DEFB132: variants seen among roughly 807,000 people sequenced by gnomAD.
DEFB132 encodes the protein beta-defensin 132.
DEFB132 carries 5 observed loss-of-function variants against 2.5 expected under a neutral mutation model. The ratio of observed to expected loss-of-function variants is 2.00; its 90% CI spans 1.04 to 4.20. The LOEUF is 4.20. DEFB132 is among the 30% of genes most tolerant of loss of function. The pLI is 0.00. For missense variants in DEFB132, 112 were observed against 110.0 expected (o/e 1.02, Z -0.08); for synonymous variants, 53 against 46.2 (o/e 1.15, Z -0.60).
At position 260,865 on chromosome 20, in the gene DEFB132, A is replaced by G. The variant is rs1434524322; in HGVS notation, c.*1559A>G. On this transcript the variant is annotated 3_prime_UTR_variant, in exon 2 of 2. Transcript: ENST00000382376. ...ACAATAGAGGCAGAACTCATGTAAG[A>G]ATAAATTGATTAGGTGGTATTAAAT... 6.6e-6 allele frequency: 1 copy of G among 152,254 alleles called. No individual in the cohort carries two copies. Among genetic ancestry groups the G allele is most frequent in the Non-Finnish European group, 1.5e-5 (1 of 68,038 alleles). The allele number at this position is 152,254 out of a possible 1,614,324, so 9.4% of individuals were successfully genotyped here. A position where few individuals can be genotyped will look rare whatever the true frequency, so the allele number is the denominator to read the frequency against.
In DEFB132 at chr20:259,080, G is replaced by GT. The variant is rs747014067; in HGVS notation, c.63dup (p.Ala22CysfsTer9). The GT allele has an allele frequency of 4.3e-6, 7 of 1,614,032 alleles. No homozygotes were observed. The African/African-American group carries it at 9.3e-5, about 22-fold the overall frequency. On this transcript the variant is annotated frameshift_variant, in exon 2 of 2. Transcript: ENST00000382376. LOFTEE classifies it low-confidence loss of function (END_TRUNC). ...TGTCTTGTCCTCTCCCATACAGCCA[G>GT]TGCAGGTGGGTCAAAATGTGTGAGT...
rs1443439301 is a variant in DEFB132, at chr20:259,706, A to G, written c.*400A>G. The G allele has an allele frequency of 3.7e-6, 1 of 271,128 alleles. No homozygotes were observed. The highest frequency in any genetic ancestry group is 7.2e-6 in the Non-Finnish European group (1 of 139,698). 16.8% of individuals were successfully genotyped at this position (271,128 alleles called of 1,614,324 possible). On this transcript the variant is annotated 3_prime_UTR_variant, in exon 2 of 2. Coordinates refer to ENST00000382376, the MANE Select transcript of DEFB132 (RefSeq NM_207469.3). Reference sequence around the variant, plus strand: ...GTGTCAAAGGAGAGAGGGATAGAGGAGGATTGAATAGAAGGAGACTAAGAC... The same window carrying G: ...GTGTCAAAGGAGAGAGGGATAGAGGGGGATTGAATAGAAGGAGACTAAGAC...
At chr20:258,650 T>C (rs141388254) in intron 1 of DEFB132, among the ~76,000 whole-genome samples, 1 of 151,994 alleles carries the variant, frequency 6.6e-6, no homozygotes, top group East Asian at 1.9e-4. Flanking sequence ...GGTTGACTCA[T>C]ATTTACAGTT....
At chr20:258,945 A>C in intron 1 of DEFB132, 132 bp from the exon 2 acceptor site, 1 of 846,392 alleles carries the variant, frequency 1.2e-6, no homozygotes, top group South Asian at 1.8e-5. Flanking sequence ...GGCTTTCCCA[A>C]GTCTCATTTG....
chr20:258,685 GT>G (rs112219872), intron 1 of DEFB132, among the ~76,000 whole-genome samples: 1 of 122,008 alleles, frequency 8.2e-6, no homozygotes, highest in African/African-American at 2.7e-5. Context: ...AACAAGTAAG[GT>G]AGAAACACCT....
chr20:259,575 T>C lies in DEFB132; in HGVS notation c.*269T>C, dbSNP rs1456196831. ...CAAATGAAAAATGTCAAGACAGAAT[T>C]GGACATGCAAAAGATTGACTGGGAG... is the stretch of plus-strand genomic sequence containing the variant. On this transcript the variant is annotated 3_prime_UTR_variant, in exon 2 of 2. Transcript: ENST00000382376. 1 of 467,278 alleles carries C rather than the reference T, an allele frequency of 2.1e-6. No individual in the cohort carries two copies. The highest frequency in any genetic ancestry group is 3.9e-6 in the Non-Finnish European group (1 of 254,278). 28.9% of individuals were successfully genotyped at this position (467,278 alleles called of 1,614,324 possible).
At position 259,132 on chromosome 20, in the gene DEFB132, T is replaced by C. The variant is rs2011611461; in HGVS notation, c.114T>C (p.Cys38=). 6.2e-7 allele frequency: 1 copy of C among 1,614,156 alleles called. No individual in the cohort carries two copies. Among genetic ancestry groups the C allele is most frequent in the Non-Finnish European group, 8.5e-7 (1 of 1,180,028 alleles). ...VSNTPGYCRT[C]CHWGETALFM... Reference sequence around the variant, plus strand: ...ACACCCCAGGATACTGCAGGACATGTTGCCACTGGGGGGAGACAGCATTGT... The same window carrying C: ...ACACCCCAGGATACTGCAGGACATGCTGCCACTGGGGGGAGACAGCATTGT... Residue 38 remains cysteine (C), a synonymous_variant, in exon 2 of 2, where the codon TGT becomes TGC. Transcript: ENST00000382376.
intron 1 of DEFB132, among the ~76,000 whole-genome samples, chr20:258,740 C>T (rs2011606402): frequency 2.0e-5 from 1 of 50,794 alleles, no homozygotes; most frequent in Non-Finnish European, 6.2e-5. Context: ...CCCATTTCTC[C>T]CTTTTGAGTA....
chr20:260,397 A>G lies in DEFB132; in HGVS notation c.*1091A>G, dbSNP rs1280086688. ...GAAATATATACTAATGCCATCTATA[A>G]ATACAAACAAATAGAATGTTTATAG... On this transcript the variant is annotated 3_prime_UTR_variant, in exon 2 of 2. Transcript: ENST00000382376. 1 of 152,234 alleles carries G rather than the reference A, an allele frequency of 6.6e-6. No individual in the cohort carries two copies. The highest frequency in any genetic ancestry group is 6.5e-5 in the Admixed American group (1 of 15,290). 9.4% of individuals were successfully genotyped at this position (152,234 alleles called of 1,614,324 possible). A position where few individuals can be genotyped will look rare whatever the true frequency, so the allele number is the denominator to read the frequency against.
intron 1 of DEFB132, 68 bp from the exon 2 acceptor site, chr20:259,009 C>T (rs1017018799): frequency 1.5e-5 from 22 of 1,503,682 alleles, no homozygotes; most frequent in African/African-American, 1.1e-4. Flanking sequence ...TCCCATCTGG[C>T]GCTGACGCTT....
Position 260,789 on chromosome 20 carries a change from A to C in DEFB132, c.*1483A>C, listed in dbSNP as rs2011635830. ...CAGTGTAAAAGTAAAGTATTAAAAG[A>C]TTGTGTGGTCAAATATTCAATTTAA... is the stretch of plus-strand genomic sequence containing the variant. On this transcript the variant is annotated 3_prime_UTR_variant, in exon 2 of 2. Coordinates refer to ENST00000382376, the MANE Select transcript of DEFB132 (RefSeq NM_207469.3). 1 of 152,236 alleles carries C rather than the reference A, an allele frequency of 6.6e-6. No individual in the cohort carries two copies. Among genetic ancestry groups the C allele is most frequent in the Admixed American group, 6.5e-5 (1 of 15,286 alleles). The allele number at this position is 152,236 out of a possible 1,614,324, so 9.4% of individuals were successfully genotyped here.
In DEFB132 at chr20:260,903, T is replaced by G. The variant is rs151065337; in HGVS notation, c.*1597T>G. 1 of 152,278 alleles carries G rather than the reference T, an allele frequency of 6.6e-6. No individual in the cohort carries two copies. Among genetic ancestry groups the G allele is most frequent in the Admixed American group, 6.5e-5 (1 of 15,292 alleles). 9.4% of individuals were successfully genotyped at this position (152,278 alleles called of 1,614,324 possible). ...GGTGGTATTAAATATTAAGTTCTTA[T>G]GTATGTCAAAAGATATCATTTTGAA... On this transcript the variant is annotated 3_prime_UTR_variant, in exon 2 of 2. Coordinates refer to ENST00000382376, the MANE Select transcript of DEFB132 (RefSeq NM_207469.3).
At chr20:258,964 C>T in intron 1 of DEFB132, 113 bp from the exon 2 acceptor site, 1 of 1,019,942 alleles carries the variant, frequency 9.8e-7, no homozygotes. Flanking sequence ...TGCACAACAT[C>T]CTAAGGATAC....
At position 261,082 on chromosome 20, in the gene DEFB132, A is replaced by T. The variant is rs1402272505; in HGVS notation, c.*1776A>T. On this transcript the variant is annotated 3_prime_UTR_variant, in exon 2 of 2. Coordinates refer to ENST00000382376, the MANE Select transcript of DEFB132 (RefSeq NM_207469.3). ...GCTATTACAAATAAAGCTTCTATGAACATTTATGTACAAATCTTTGTATGG... is the reference window on the plus strand; with the variant it reads ...GCTATTACAAATAAAGCTTCTATGATCATTTATGTACAAATCTTTGTATGG... 1 of 152,348 alleles carries T rather than the reference A, an allele frequency of 6.6e-6. No homozygotes were observed. The highest frequency in any genetic ancestry group is 1.5e-5 in the Non-Finnish European group (1 of 68,142). The allele number at this position is 152,348 out of a possible 1,614,324, so 9.4% of individuals were successfully genotyped here.
Position 259,530 on chromosome 20 carries a change from A to T in DEFB132, c.*224A>T, listed in dbSNP as rs1231228010. Reference sequence around the variant, plus strand: ...CATCATGCAGATTCGTCCACAGGGGATCTGTCAGTTTGGGTCCTCCAAATG... The same window carrying T: ...CATCATGCAGATTCGTCCACAGGGGTTCTGTCAGTTTGGGTCCTCCAAATG... On this transcript the variant is annotated 3_prime_UTR_variant, in exon 2 of 2. Coordinates refer to ENST00000382376, the MANE Select transcript of DEFB132 (RefSeq NM_207469.3). 1 of 559,684 alleles carries T rather than the reference A, an allele frequency of 1.8e-6. No homozygotes were observed. Among genetic ancestry groups the T allele is most frequent in the Non-Finnish European group, 3.2e-6 (1 of 314,960 alleles). The allele number at this position is 559,684 out of a possible 1,614,324, so 34.7% of individuals were successfully genotyped here.
At chr20:258,374 G>C (rs1158414474) in intron 1 of DEFB132, among the ~76,000 whole-genome samples, 1 of 152,100 alleles carries the variant, frequency 6.6e-6, no homozygotes, top group African/African-American at 2.4e-5. Context: ...AAGAGAGAGA[G>C]ACAGACACAC....
rs1016792491 is a variant in DEFB132, at chr20:260,100, G to A, written c.*794G>A. On this transcript the variant is annotated 3_prime_UTR_variant, in exon 2 of 2. Coordinates refer to ENST00000382376, the MANE Select transcript of DEFB132 (RefSeq NM_207469.3). Reference sequence around the variant, plus strand: ...AGTAACAAAGCAGACAGAATACATAGCCACCATTGGTAGTACACCCCAAAA... The same window carrying A: ...AGTAACAAAGCAGACAGAATACATAACCACCATTGGTAGTACACCCCAAAA... 6 of 152,210 alleles carry A rather than the reference G, an allele frequency of 3.9e-5. No individual in the cohort carries two copies. Among genetic ancestry groups the A allele is most frequent in the African/African-American group, 9.7e-5 (4 of 41,446 alleles). 9.4% of individuals were successfully genotyped at this position (152,210 alleles called of 1,614,324 possible).
rs532941240 is a variant in DEFB132, at chr20:259,543, G to A, written c.*237G>A. The A allele has an allele frequency of 2.1e-4, 113 of 531,070 alleles. No homozygotes were observed. Among genetic ancestry groups the A allele is most frequent in the Non-Finnish European group, 3.4e-4 (99 of 295,516 alleles). The allele number at this position is 531,070 out of a possible 1,614,324, so 32.9% of individuals were successfully genotyped here. On this transcript the variant is annotated 3_prime_UTR_variant, in exon 2 of 2. Transcript: ENST00000382376. ...CGTCCACAGGGGATCTGTCAGTTTGGGTCCTCCAAATGAAAAATGTCAAGA... is the reference window on the plus strand; with the variant it reads ...CGTCCACAGGGGATCTGTCAGTTTGAGTCCTCCAAATGAAAAATGTCAAGA...
rs2011634956 is a variant in DEFB132 at position 260,687 on chromosome 20, A to C, written c.*1381A>C. 1 of 152,240 alleles carries C rather than the reference A, an allele frequency of 6.6e-6. No homozygotes were observed. Among genetic ancestry groups the C allele is most frequent in the South Asian group, 2.1e-4 (1 of 4,830 alleles). The allele number at this position is 152,240 out of a possible 1,614,324, so 9.4% of individuals were successfully genotyped here. A position where few individuals can be genotyped will look rare whatever the true frequency, so the allele number is the denominator to read the frequency against. ...AAACGGTCCTAAAAACTAGCAAACCAGATAAGAAAAGATGTTAATGCCCAT... is the reference window on the plus strand; with the variant it reads ...AAACGGTCCTAAAAACTAGCAAACCCGATAAGAAAAGATGTTAATGCCCAT... On this transcript the variant is annotated 3_prime_UTR_variant, in exon 2 of 2. Transcript: ENST00000382376.
Sources: gnomAD v4.1 joint callset for allele counts (sites outside exome capture counted in the v4.1 genomes callset) on GRCh38, gnomAD v4.1.1 for gene constraint, MANE v1.5 for transcripts, NCBI Gene and HGNC (gene_info 2026-07-23, HGNC 2026-07-21) for gene names.